Variants in HIGD1C observed in about 807,000 individuals in gnomAD.
HIGD1C encodes the protein HIG1 domain family member 1C.
HIGD1C carries 11 observed loss-of-function variants against 13.1 expected under a neutral mutation model. That is an observed-to-expected ratio of 0.84 (90% confidence interval 0.53 to 1.39). The LOEUF (loss-of-function observed/expected upper bound fraction) is 1.39. Among genes scored for constraint, HIGD1C ranks in the 40% most tolerant of loss-of-function variants. The pLI, the probability that HIGD1C is intolerant of heterozygous loss-of-function variation, is 0.00. For missense variants in HIGD1C, 110 were observed against 112.0 expected (o/e 0.98, Z 0.08); for synonymous variants, 36 against 37.7 (o/e 0.95, Z 0.17).
At chr12:50,955,876 G>A (rs563477859) in intron 1 of HIGD1C, among the ~76,000 whole-genome samples, 1 of 152,250 alleles carries the variant, frequency 6.6e-6, no homozygotes, top group South Asian at 2.1e-4. Flanking sequence ...TGTGCCTGTT[G>A]TATATTAAAT....
rs546086895 is a variant in HIGD1C at position 50,967,293 on chromosome 12, GCAT to G, written c.230-3142_230-3140del. 1.4e-3 allele frequency among the ~76,000 whole-genome samples: 206 copies of G among 152,208 alleles called. 1 individual carries two copies. Among genetic ancestry groups the G allele is most frequent in the African/African-American group, 4.7e-3 (194 of 41,532 alleles). ...CCCACAGAGCTGGGACTACAGGTATGCATCATCATGTCTGGCTAATTTTAAAAT... is the reference window on the plus strand; with the variant it reads ...CCCACAGAGCTGGGACTACAGGTATGCATCATGTCTGGCTAATTTTAAAAT... On this transcript the variant is annotated intron_variant, in intron 2 of 2. Coordinates refer to ENST00000398455, the Ensembl canonical transcript of HIGD1C.
chr12:50,958,904 C>G (rs1040433765), intron 1 of HIGD1C, among the ~76,000 whole-genome samples: 2 of 151,484 alleles, frequency 1.3e-5, no homozygotes, highest in Non-Finnish European at 2.9e-5. Context: ...GTAATCCCAG[C>G]TACTAGGGAG....
At chr12:50,950,193 C>T (rs17125116), upstream of HIGD1C, among the ~76,000 whole-genome samples, 1 of 152,000 alleles carries the variant, frequency 6.6e-6, no homozygotes, top group South Asian at 2.1e-4. Context: ...GATGGGCCAG[C>T]GTCTTCAAGG....
chr12:50,964,348 C>T (rs908767853), intron 2 of HIGD1C, among the ~76,000 whole-genome samples: 9 of 152,202 alleles, frequency 5.9e-5, no homozygotes, highest in African/African-American at 2.4e-5. Context: ...GGTGGGGTGA[C>T]CCAAACCTTC....
the HIGD1C span, among the ~76,000 whole-genome samples, chr12:50,942,350 T>C: frequency 2.6e-5 from 4 of 152,272 alleles, no homozygotes; most frequent in African/African-American, 7.2e-5. Flanking sequence ...GCTCTCCCCC[T>C]CTCACTTACT....
intron 2 of HIGD1C, among the ~76,000 whole-genome samples, chr12:50,963,549 GC>G (rs1939429494): frequency 6.6e-6 from 1 of 151,982 alleles, no homozygotes; most frequent in South Asian, 2.1e-4. Flanking sequence ...AAATGCCAAT[GC>G]CTTTCATCCT....
chr12:50,957,861 G>T (rs1263480491), intron 1 of HIGD1C, among the ~76,000 whole-genome samples: 1 of 151,900 alleles, frequency 6.6e-6, no homozygotes, highest in East Asian at 1.9e-4. Context: ...CTCCAGCCTT[G>T]GGCAACAGAG....
Position 50,961,103 on chromosome 12 carries a change from G to A in HIGD1C, c.229+1G>A, listed in dbSNP as rs765252671. The A allele has an allele frequency of 6.2e-7, 1 of 1,613,624 alleles. No homozygotes were observed. On this transcript the variant is annotated splice_donor_variant, in intron 2 of 2. Transcript: ENST00000398455. LOFTEE classifies it high-confidence loss of function. The stretch of plus-strand genomic sequence containing the variant: ...TTTGTTGTTGGAGCTGTGACTCTAG[G>A]TAACCCGCTTAATTTGTATCTTATG...
At chr12:50,968,570 G>T (rs1176290090) in intron 2 of HIGD1C, among the ~76,000 whole-genome samples, 2 of 151,850 alleles carry the variant, frequency 1.3e-5, no homozygotes, top group South Asian at 4.2e-4. Context: ...TTTGTTTTGA[G>T]ATGGAGTCTC....
chr12:50,964,492 A>G (rs1939466940), intron 2 of HIGD1C, among the ~76,000 whole-genome samples: 1 of 152,226 alleles, frequency 6.6e-6, no homozygotes, highest in Non-Finnish European at 1.5e-5. Flanking sequence ...TTTCCCCTTG[A>G]TGTTCAGAAC....
intron 2 of HIGD1C, among the ~76,000 whole-genome samples, chr12:50,963,759 A>G (rs12304921): frequency 0.18 from 27,846 of 152,184 alleles, 2,918 homozygotes; most frequent in East Asian, 0.5. Context: ...TAAATCTCAT[A>G]CAGGATGTCT....
chr12:50,946,571 T>C, the HIGD1C span, among the ~76,000 whole-genome samples: 1 of 152,190 alleles, frequency 6.6e-6, no homozygotes, highest in African/African-American at 2.4e-5. Flanking sequence ...CATTAAAAAG[T>C]CAGGAAACAA....
upstream of HIGD1C, among the ~76,000 whole-genome samples, chr12:50,953,104 C>G (rs568259143): frequency 1.3e-5 from 2 of 152,108 alleles, no homozygotes; most frequent in Admixed American, 1.3e-4. Flanking sequence ...GACCACTCCC[C>G]CAGTCCCCTG....
chr12:50,971,696 G>A (rs184734136), downstream of HIGD1C, among the ~76,000 whole-genome samples: 15 of 152,194 alleles, frequency 9.9e-5, no homozygotes, highest in East Asian at 2.7e-3. Context: ...AAGCCTAGGA[G>A]AGAAAAAAAT....
intron 2 of HIGD1C, among the ~76,000 whole-genome samples, chr12:50,962,528 T>C (rs4768945): frequency 0.18 from 27,795 of 151,348 alleles, 2,901 homozygotes; most frequent in East Asian, 0.5. Context: ...GGTGAAACCC[T>C]ATCTCTACTA....
intron 1 of HIGD1C, chr12:50,954,408 G>A (rs2139783522): frequency 4.4e-6 from 1 of 226,846 alleles, no homozygotes; most frequent in Middle Eastern, 1.6e-3. Flanking sequence ...CATAACTCAG[G>A]ACCATCAACA....
At chr12:50,943,746 G>A in the HIGD1C span, among the ~76,000 whole-genome samples, 1 of 151,880 alleles carries the variant, frequency 6.6e-6, no homozygotes, top group Non-Finnish European at 1.5e-5. Flanking sequence ...AAGTGCTCTA[G>A]GTATACTCCC....
chr12:50,964,545 A>T (rs1939469229), intron 2 of HIGD1C, among the ~76,000 whole-genome samples: 1 of 152,230 alleles, frequency 6.6e-6, no homozygotes, highest in South Asian at 2.1e-4. Context: ...TGTAATGAAG[A>T]GATGATCAAG....
At chr12:50,968,456 G>A (rs1202045341) in intron 2 of HIGD1C, among the ~76,000 whole-genome samples, 1 of 151,964 alleles carries the variant, frequency 6.6e-6, no homozygotes, top group South Asian at 2.1e-4. Context: ...GCGTGATCAC[G>A]GTTCACAGCA....
Sources: gnomAD v4.1 joint callset for allele counts (sites outside exome capture counted in the v4.1 genomes callset) on GRCh38, gnomAD v4.1.1 for gene constraint, MANE v1.5 for transcripts, NCBI Gene and HGNC (gene_info 2026-07-23, HGNC 2026-07-21) for gene names.